The following SVEP1 variants were observed in gnomAD, a reference collection of about 807,000 sequenced individuals.
SVEP1 encodes the protein sushi, von Willebrand factor type A, EGF and pentraxin domain containing 1, also known as sushi, von Willebrand factor type A, EGF and pentraxin domain-containing protein 1.
In SVEP1, 164 loss-of-function variants were observed where a neutral mutation model predicts 367.3. The ratio of observed to expected loss-of-function variants is 0.45; its 90% CI spans 0.39 to 0.51. The LOEUF (loss-of-function observed/expected upper bound fraction) is 0.51. SVEP1 is among the 20% of genes least tolerant of loss of function. The pLI is 0.00. For missense variants in SVEP1, 4,117 were observed against 4,425.3 expected (o/e 0.93, Z 1.98); for synonymous variants, 1,666 against 1,611.6 (o/e 1.03, Z -0.81).
intron 22 of SVEP1, among the ~76,000 whole-genome samples, chr9:110,454,019 G>C (rs1368426777): frequency 6.6e-6 from 1 of 152,030 alleles, no homozygotes; most frequent in East Asian, 1.9e-4. Flanking sequence ...TTAGAGAAGT[G>C]TCTGTTCATG....
intron 5 of SVEP1, 91 bp from the exon 6 acceptor site, chr9:110,503,308 A>C (rs1364752285): frequency 7.6e-7 from 1 of 1,307,208 alleles, no homozygotes; most frequent in Non-Finnish European, 1.1e-6. Context: ...CATTGCAAGC[A>C]AGACAATTTT....
intron 36 of SVEP1, among the ~76,000 whole-genome samples, chr9:110,423,895 T>C (rs1465877248): frequency 6.6e-6 from 1 of 152,170 alleles, no homozygotes; most frequent in African/African-American, 2.4e-5. Context: ...TAAACTACAA[T>C]TTGAGAAGTG....
In SVEP1 at chr9:110,496,917, T is replaced by C; in HGVS notation, c.1698A>G (p.Gln566=). Residue 566 remains glutamine, a synonymous_variant, in exon 8 of 48, where the codon CAA becomes CAG. Coordinates refer to ENST00000374469, the MANE Select transcript of SVEP1 (RefSeq NM_153366.4). The part of the protein sequence containing the change: ...AAVCKDVEAP[Q]INCPKDIEAK... ...CCTCTATGTCCTTAGGACAGTTGAT[T>C]TGAGGAGCCTCCACGTCTAACTCAG... 1 of 1,546,904 alleles carries C rather than the reference T, an allele frequency of 6.5e-7. No individual in the cohort carries two copies. The highest frequency in any genetic ancestry group is 8.7e-7 in the Non-Finnish European group (1 of 1,142,982).
intron 41 of SVEP1, among the ~76,000 whole-genome samples, chr9:110,388,780 C>G (rs1316185930): frequency 2.0e-5 from 3 of 151,956 alleles, no homozygotes; most frequent in Non-Finnish European, 2.9e-5. Flanking sequence ...ACCAGCCAGG[C>G]CAACATGGTG....
chr9:110,436,477 T>G lies in SVEP1; in HGVS notation c.4667A>C (p.Glu1556Ala). 6.2e-7 allele frequency: 1 copy of G among 1,613,896 alleles called. No individual in the cohort carries two copies. The change falls in exon 28 of 48, where the codon GAG (glutamate) becomes GCG (alanine). Residue 1556 changes from glutamate to alanine, a missense_variant. Physicochemically the swap from Glu to Ala is moderately radical, Grantham distance 107. Coordinates refer to ENST00000374469, the MANE Select transcript of SVEP1 (RefSeq NM_153366.4). ...PGGGALVLGQEQDKKGEGFSP... is the reference protein window; with the variant it reads ...PGGGALVLGQAQDKKGEGFSP... ...GAATCCCTCTCCTTTTTTGTCTTGC[T>G]CTTGCCCCAGAACTAACGCACCACC...
chr9:110,482,536 A>G, intron 10 of SVEP1, 44 bp from the exon 11 acceptor site: 1 of 1,546,698 alleles, frequency 6.5e-7, no homozygotes, highest in South Asian at 1.2e-5. Context: ...TGTATTCACA[A>G]TATTTTTTTT....
intron 1 of SVEP1, among the ~76,000 whole-genome samples, chr9:110,569,211 C>T (rs1830526197): frequency 6.6e-6 from 1 of 152,058 alleles, no homozygotes; most frequent in Non-Finnish European, 1.5e-5. Flanking sequence ...AAAATTGAGG[C>T]TTTGGGAGGC....
In SVEP1 at chr9:110,466,014, T is replaced by C. The variant is rs1828931524; in HGVS notation, c.3173A>G (p.Gln1058Arg). The change falls in exon 18 of 48, where the codon CAA becomes CGA. Residue 1058 changes from glutamine (Q) to arginine (R), a missense_variant. Physicochemically the swap from Gln to Arg is conservative, Grantham distance 43 (BLOSUM62 1). Coordinates refer to ENST00000374469, the MANE Select transcript of SVEP1 (RefSeq NM_153366.4). ...NISDCKAQCKQGTYSYSGLET... is the reference protein window; with the variant it reads ...NISDCKAQCKRGTYSYSGLET... ...AAGTCCACTGTATGAGTAGGTGCCTTGTTTACACTGAGCTGAAAAGAAAAA... is the reference window on the plus strand; with the variant it reads ...AAGTCCACTGTATGAGTAGGTGCCTCGTTTACACTGAGCTGAAAAGAAAAA... 11 of 1,612,634 alleles carry C rather than the reference T, an allele frequency of 6.8e-6. No homozygotes were observed. Among genetic ancestry groups the C allele is most frequent in the Non-Finnish European group, 9.3e-6 (11 of 1,178,924 alleles).
rs373532117 is a variant in SVEP1, at chr9:110,472,361, T to C, written c.2600-38A>G. 3.3e-6 allele frequency: 5 copies of C among 1,526,074 alleles called. No homozygotes were observed. In the African/African-American group the frequency reaches 4.2e-5, roughly 13 times the overall value. 94.5% of individuals were successfully genotyped at this position (1,526,074 alleles called of 1,614,324 possible). ...GGCAGAGACACAAATGATCACACAG[T>C]TGCTTTTTCGTCAGCGTTCAGGTTC... On this transcript the variant is annotated intron_variant, in intron 14 of 47. Transcript: ENST00000374469.
chr9:110,528,154 G>A (rs79286612), intron 3 of SVEP1, among the ~76,000 whole-genome samples: 3,538 of 25,196 alleles, frequency 0.14, 109 homozygotes, highest in Admixed American at 0.2. Context: ...GTGTGTGTGT[G>A]TGTATATATA....
At position 110,411,436 on chromosome 9, in the gene SVEP1, C is replaced by T. The variant is rs144820066; in HGVS notation, c.6275G>A (p.Ser2092Asn). Reference protein sequence around the residue: ...FCEKPPSVSYSILESVSKAKF... With the variant: ...FCEKPPSVSYNILESVSKAKF... Reference sequence around the variant, plus strand: ...TGCTTTGCTCACAGATTCCAAGATGCTATAGGAAACCGATGGAGGTTTTTC... The same window carrying T: ...TGCTTTGCTCACAGATTCCAAGATGTTATAGGAAACCGATGGAGGTTTTTC... The change falls in exon 37 of 48, where the codon AGC becomes AAC. Residue 2092 changes from serine to asparagine, a missense_variant. By Grantham distance (46) the Ser-to-Asn change is conservative. Transcript: ENST00000374469. 1.9e-6 allele frequency: 3 copies of T among 1,614,042 alleles called. No individual in the cohort carries two copies. The highest frequency in any genetic ancestry group is 1.3e-5 in the African/African-American group (1 of 75,054).
intron 45 of SVEP1, among the ~76,000 whole-genome samples, chr9:110,376,622 G>C (rs1000781478): frequency 7.9e-5 from 12 of 152,018 alleles, no homozygotes; most frequent in African/African-American, 2.9e-4. Context: ...ACTCTTAATG[G>C]TTTACATACA....
At chr9:110,405,144 A>T (rs1827936036) in intron 38 of SVEP1, among the ~76,000 whole-genome samples, 1 of 152,216 alleles carries the variant, frequency 6.6e-6, no homozygotes, top group African/African-American at 2.4e-5. Context: ...CTTATTGTGG[A>T]TATTATTATT....
chr9:110,404,640 C>T (rs1827926512), intron 38 of SVEP1, 88 bp from the exon 39 acceptor site: 1 of 1,208,080 alleles, frequency 8.3e-7, no homozygotes, highest in Non-Finnish European at 1.2e-6. Context: ...TGTTACAAGG[C>T]TCAGTAGATA....
chr9:110,488,945 G>A (rs184075849), intron 9 of SVEP1, among the ~76,000 whole-genome samples: 1 of 152,144 alleles, frequency 6.6e-6, no homozygotes, highest in African/African-American at 2.4e-5. Flanking sequence ...AAAGTATGCA[G>A]AGTAACACCA....
At chr9:110,503,353 C>T in intron 5 of SVEP1, 136 bp from the exon 6 acceptor site, 1 of 817,494 alleles carries the variant, frequency 1.2e-6, no homozygotes, top group Non-Finnish European at 1.9e-6. Context: ...CATAATACAC[C>T]ACCATTTTTT....
At chr9:110,491,758 A>G (rs779614483) in intron 8 of SVEP1, among the ~76,000 whole-genome samples, 4 of 152,088 alleles carry the variant, frequency 2.6e-5, no homozygotes, top group Non-Finnish European at 5.9e-5. Flanking sequence ...GATAATAGAC[A>G]TACAGAATAG....
intron 1 of SVEP1, among the ~76,000 whole-genome samples, chr9:110,568,548 A>G (rs1830517995): frequency 6.6e-6 from 1 of 152,098 alleles, no homozygotes; most frequent in Non-Finnish European, 1.5e-5. Context: ...TGAATGCTCT[A>G]TGTTCAGAGA....
intron 36 of SVEP1, among the ~76,000 whole-genome samples, chr9:110,423,095 G>A (rs2991362): frequency 0.65 from 81,718 of 126,232 alleles, 26,903 homozygotes; most frequent in African/African-American, 0.76. Flanking sequence ...CAATGTGCAC[G>A]TGTACCCTAA....
Sources: gnomAD v4.1 joint callset for allele counts (sites outside exome capture counted in the v4.1 genomes callset) on GRCh38, gnomAD v4.1.1 for gene constraint, MANE v1.5 for transcripts, NCBI Gene and HGNC (gene_info 2026-07-23, HGNC 2026-07-21) for gene names.